SPOPL: variants seen among roughly 807,000 people sequenced by gnomAD.
SPOPL encodes the protein speckle-type POZ protein-like.
SPOPL carries 23 observed loss-of-function variants against 53.8 expected under a neutral mutation model. The observed-to-expected ratio is 0.43, with a 90% CI of 0.31 to 0.61. The LOEUF (loss-of-function observed/expected upper bound fraction) is 0.61, where lower values mean the gene tolerates loss of function less well. Ranked by LOEUF, SPOPL falls within the 20% of genes least tolerant of loss-of-function variation. The pLI is 0.12. For missense variants in SPOPL, 442 were observed against 466.9 expected (o/e 0.95, Z 0.49); for synonymous variants, 164 against 149.7 (o/e 1.10, Z -0.70).
intron 1 of SPOPL, among the ~76,000 whole-genome samples, chr2:138,522,339 T>TTGGG (rs532112750): frequency 5.1e-4 from 78 of 152,098 alleles, no homozygotes; most frequent in Non-Finnish European, 1.0e-3. Flanking sequence ...TGAAGGGAGG[T>TTGGG]TGCCTTTTGC....
chr2:138,547,467 A>G lies in SPOPL; in HGVS notation c.-60-2690A>G, dbSNP rs376255662. On this transcript the variant is annotated intron_variant, in intron 1 of 10. Transcript: ENST00000280098. Reference sequence around the variant, plus strand: ...TTAAATTATAATAGTATCTTTTTATAAAAGCTTAAAGATTCAGGTTAATGT... The same window carrying G: ...TTAAATTATAATAGTATCTTTTTATGAAAGCTTAAAGATTCAGGTTAATGT... Among the ~76,000 whole-genome samples, 20 of 152,200 alleles carry G rather than the reference A, an allele frequency of 1.3e-4. No homozygotes were observed. The East Asian group carries it at 1.9e-3, about 15-fold the overall frequency.
intron 1 of SPOPL, among the ~76,000 whole-genome samples, chr2:138,517,938 C>T (rs775377251): frequency 1.3e-4 from 19 of 150,182 alleles, no homozygotes; most frequent in Non-Finnish European, 1.6e-4. Flanking sequence ...ATCCCAGCAA[C>T]TTGCAGGGCT....
chr2:138,551,921 A>G (rs1419411327), intron 4 of SPOPL, among the ~76,000 whole-genome samples: 1 of 152,020 alleles, frequency 6.6e-6, no homozygotes, highest in Non-Finnish European at 1.5e-5. Context: ...GATGTTTATT[A>G]AATCTATTAC....
intron 1 of SPOPL, among the ~76,000 whole-genome samples, chr2:138,542,540 A>T (rs565664454): frequency 6.6e-6 from 1 of 152,114 alleles, no homozygotes; most frequent in Non-Finnish European, 1.5e-5. Context: ...CTGTTTTATC[A>T]GAGACTAGGA....
chr2:138,516,705 A>G (rs139667512), intron 1 of SPOPL, among the ~76,000 whole-genome samples: 4 of 152,326 alleles, frequency 2.6e-5, no homozygotes, highest in Non-Finnish European at 5.9e-5. Context: ...GGAAGAGGGT[A>G]TAGCATTTGA....
rs764629683 is a variant in SPOPL, at chr2:138,552,667, A to T, written c.466A>T (p.Thr156Ser). Residue 156 changes from threonine to serine, a missense_variant, in exon 5 of 11, where the codon ACA (threonine) becomes TCA (serine). Transcript: ENST00000280098. ...ANGLLPDDKL[T>S]LFCEVSVVQD... Reference sequence around the variant, plus strand: ...TGGTCTTTTACCAGATGACAAGCTTACATTATTTTGTGAGGTGGGTACATC... The same window carrying T: ...TGGTCTTTTACCAGATGACAAGCTTTCATTATTTTGTGAGGTGGGTACATC... 5.6e-6 allele frequency: 9 copies of T among 1,612,228 alleles called. No individual in the cohort carries two copies. The highest frequency in any genetic ancestry group is 7.6e-6 in the Non-Finnish European group (9 of 1,179,024).
At chr2:138,550,821 C>CTTTCTT (rs1553471044) in intron 3 of SPOPL, 82 bp from the exon 4 acceptor site, 13 of 865,286 alleles carry the variant, frequency 1.5e-5, no homozygotes, top group Non-Finnish European at 1.7e-5. Flanking sequence ...TGTTCTCTCT[C>CTTTCTT]TCTCTTTCTC....
intron 5 of SPOPL, among the ~76,000 whole-genome samples, chr2:138,558,059 T>A (rs1423886166): frequency 6.6e-6 from 1 of 151,840 alleles, no homozygotes; most frequent in Non-Finnish European, 1.5e-5. Context: ...ACTCAGGAGG[T>A]CTGAGACAGG....
chr2:138,561,530 T>C (rs1685549226), intron 8 of SPOPL, among the ~76,000 whole-genome samples: 1 of 152,156 alleles, frequency 6.6e-6, no homozygotes, highest in Admixed American at 6.5e-5. Flanking sequence ...TGCATGTGTA[T>C]GTGTCGATGG....
intron 1 of SPOPL, among the ~76,000 whole-genome samples, chr2:138,509,482 C>T (rs1032935901): frequency 7.2e-4 from 110 of 152,048 alleles, no homozygotes; most frequent in African/African-American, 2.6e-3. Context: ...AAAGAAAATA[C>T]CATTGTTTCC....
Position 138,569,056 on chromosome 2 carries a change from A to T in SPOPL, c.1155A>T (p.Pro385=). Residue 385 remains proline, a synonymous_variant, in exon 11 of 11, where the codon CCA becomes CCT. Coordinates refer to ENST00000280098, the MANE Select transcript of SPOPL (RefSeq NM_001001664.3). ...ASAQCPQFGI[P]RKRLKQS ...CACAGTGTCCACAGTTTGGCATTCC[A>T]CGCAAACGGCTAAAACAGTCCTGAA... is the stretch of plus-strand genomic sequence containing the variant. 1 of 1,613,620 alleles carries T rather than the reference A, an allele frequency of 6.2e-7. No homozygotes were observed. Among genetic ancestry groups the T allele is most frequent in the Non-Finnish European group, 8.5e-7 (1 of 1,179,870 alleles).
chr2:138,559,493 A>G (rs111872478), intron 7 of SPOPL, among the ~76,000 whole-genome samples, 156 bp downstream of exon 7: 1 of 152,214 alleles, frequency 6.6e-6, no homozygotes, highest in Non-Finnish European at 1.5e-5. Context: ...TAATAGAACA[A>G]TAGATGTAGC....
intron 1 of SPOPL, among the ~76,000 whole-genome samples, chr2:138,539,496 G>A (rs62161734): frequency 2.0e-3 from 300 of 150,450 alleles, no homozygotes; most frequent in South Asian, 7.2e-3. Flanking sequence ...TTCTCTGATG[G>A]CCAGTGATGA....
intron 1 of SPOPL, among the ~76,000 whole-genome samples, chr2:138,515,043 A>G (rs1684409625): frequency 6.6e-6 from 1 of 152,194 alleles, no homozygotes; most frequent in Non-Finnish European, 1.5e-5. Context: ...CATAAAACCT[A>G]TCAGATGATT....
In SPOPL at chr2:138,560,808, C is replaced by G. The variant is rs564888975; in HGVS notation, c.718C>G (p.Arg240Gly). 6.4e-7 allele frequency: 1 copy of G among 1,568,338 alleles called. No individual in the cohort carries two copies. The highest frequency in any genetic ancestry group is 1.4e-5 in the African/African-American group (1 of 71,226). ...TTGTGTTGTTTTTCGATATCAGAAT[C>G]GAGTGGAAATAAATGATTTAGACCC... ...EHEMEESKKNRVEINDLDPEV... is the reference protein window; with the variant it reads ...EHEMEESKKNGVEINDLDPEV... Residue 240 changes from arginine to glycine, a missense_variant, in exon 8 of 11, where the codon CGA becomes GGA. Transcript: ENST00000280098.
At chr2:138,537,029 G>A (rs553150398) in intron 1 of SPOPL, among the ~76,000 whole-genome samples, 58 of 152,296 alleles carry the variant, frequency 3.8e-4, no homozygotes, top group Admixed American at 1.5e-3. Flanking sequence ...TACCCTGACA[G>A]CACCATGCCC....
At chr2:138,568,745 T>G (rs559769262) in intron 10 of SPOPL, among the ~76,000 whole-genome samples, 191 bp from the exon 11 acceptor site, 3 of 152,186 alleles carry the variant, frequency 2.0e-5, no homozygotes, top group East Asian at 1.9e-4. Flanking sequence ...CCAGAAAAAT[T>G]TAATAGTTTC....
chr2:138,568,437 A>G (rs1003499721), intron 10 of SPOPL, among the ~76,000 whole-genome samples: 7 of 152,188 alleles, frequency 4.6e-5, no homozygotes, highest in Admixed American at 1.3e-4. Context: ...GGCACATCCA[A>G]GTGAAAAAAA....
chr2:138,555,348 G>A (rs973083593), intron 5 of SPOPL, among the ~76,000 whole-genome samples: 11 of 152,042 alleles, frequency 7.2e-5, no homozygotes, highest in African/African-American at 2.2e-4. Flanking sequence ...ATAGCAGAGA[G>A]CCTTTCTGTT....
Sources: allele counts gnomAD v4.1 joint callset (sites outside exome capture counted in the v4.1 genomes callset), GRCh38; gene constraint gnomAD v4.1.1; transcripts MANE v1.5; gene names NCBI Gene and HGNC (gene_info 2026-07-23, HGNC 2026-07-21).